Variants in GTF2E1 observed in about 807,000 individuals in gnomAD.
The protein encoded by GTF2E1 is TFIIE alpha subunit.
Under a neutral mutation model 34.9 loss-of-function variants are expected in GTF2E1, and 14 were observed. That is an observed-to-expected ratio of 0.40 (90% confidence interval 0.27 to 0.63). The LOEUF (loss-of-function observed/expected upper bound fraction) is 0.63, where lower values mean the gene tolerates loss of function less well. Ranked by LOEUF, GTF2E1 falls within the 20% of genes least tolerant of loss-of-function variation. GTF2E1 has a pLI of 0.39. For synonymous variants in GTF2E1, 188 were observed against 192.9 expected (o/e 0.97, Z 0.21); for missense variants, 469 against 557.7 (o/e 0.84, Z 1.60).
intron 2 of GTF2E1, among the ~76,000 whole-genome samples, chr3:120,759,158 T>G (rs933742732): frequency 6.6e-6 from 1 of 152,250 alleles, no homozygotes; most frequent in Non-Finnish European, 1.5e-5. Context: ...TTTGCATTTC[T>G]CTGATGACCA....
chr3:120,772,786 C>T (rs1006498696), intron 3 of GTF2E1, among the ~76,000 whole-genome samples: 2 of 152,122 alleles, frequency 1.3e-5, no homozygotes, highest in African/African-American at 4.8e-5. Context: ...ATTCAGTCAC[C>T]ACCACCACTG....
intron 2 of GTF2E1, among the ~76,000 whole-genome samples, chr3:120,759,786 C>T (rs749557691): frequency 2.6e-4 from 40 of 152,124 alleles, no homozygotes; most frequent in Non-Finnish European, 1.2e-4. Context: ...CTGTTCTGTT[C>T]CATTGGTCTG....
At chr3:120,768,965 A>G (rs2107611144) in intron 2 of GTF2E1, among the ~76,000 whole-genome samples, 1 of 152,246 alleles carries the variant, frequency 6.6e-6, no homozygotes, top group South Asian at 2.1e-4. Flanking sequence ...TCTCTTTCTC[A>G]AGGATTCCTC....
chr3:120,757,050 A>G (rs543479209), intron 2 of GTF2E1, among the ~76,000 whole-genome samples: 1 of 152,172 alleles, frequency 6.6e-6, no homozygotes, highest in East Asian at 1.9e-4. Flanking sequence ...GATGCTTTGG[A>G]TTTTGATACA....
intron 2 of GTF2E1, among the ~76,000 whole-genome samples, chr3:120,757,268 A>G (rs376007948): frequency 1.6e-4 from 24 of 152,234 alleles, no homozygotes; most frequent in African/African-American, 4.6e-4. Context: ...TTGAGGAATG[A>G]TGCATGATTA....
At chr3:120,777,592 A>C (rs1243656993) in intron 4 of GTF2E1, among the ~76,000 whole-genome samples, 3 of 152,202 alleles carry the variant, frequency 2.0e-5, no homozygotes, top group Non-Finnish European at 4.4e-5. Context: ...GAAATTGTGA[A>C]GGTAACGTGG....
At chr3:120,761,994 G>A (rs997242140) in intron 2 of GTF2E1, among the ~76,000 whole-genome samples, 2 of 152,072 alleles carry the variant, frequency 1.3e-5, no homozygotes, top group Admixed American at 6.5e-5. Context: ...ATTTCACCGT[G>A]TTAGCCAGGA....
intron 3 of GTF2E1, among the ~76,000 whole-genome samples, chr3:120,774,762 A>G (rs933960466): frequency 1.2e-4 from 18 of 152,158 alleles, no homozygotes; most frequent in African/African-American, 4.3e-4. Flanking sequence ...AGTGATTGAG[A>G]CATGGAACAG....
intron 2 of GTF2E1, among the ~76,000 whole-genome samples, chr3:120,761,980 C>T (rs531157782): frequency 3.3e-5 from 5 of 151,832 alleles, no homozygotes; most frequent in Non-Finnish European, 5.9e-5. Flanking sequence ...TTAGTAGAGA[C>T]GGGATTTCAC....
rs1293087373 is a variant in GTF2E1 at position 120,781,590 on chromosome 3, G to C, written c.*120G>C. 4.0e-6 allele frequency: 3 copies of C among 750,000 alleles called. No homozygotes were observed. In the East Asian group the frequency reaches 8.1e-5, roughly 20 times the overall value. The allele number at this position is 750,000 out of a possible 1,614,324, so 46.5% of individuals were successfully genotyped here. ...TTGATGTAAGCAACTGTCCATCCTT[G>C]TGCAAAGATTGATGGTAGAGAGTTT... On this transcript the variant is annotated 3_prime_UTR_variant, in exon 5 of 5. Coordinates refer to ENST00000283875, the MANE Select transcript of GTF2E1 (RefSeq NM_005513.3).
At chr3:120,766,092 A>G (rs1425810381) in intron 2 of GTF2E1, among the ~76,000 whole-genome samples, 1 of 152,168 alleles carries the variant, frequency 6.6e-6, no homozygotes, top group South Asian at 2.1e-4. Context: ...GTTACAAGAA[A>G]AGTTGGGATG....
rs923536994 is a variant in GTF2E1, at chr3:120,750,726, A to G, written c.174A>G (p.Gln58=). The change falls in exon 2 of 5, where the codon CAA becomes CAG. Residue 58 remains glutamine (Q), a synonymous_variant. Transcript: ENST00000283875. The stretch of plus-strand genomic sequence containing the variant: ...AGCTGCTCAAGTTTGATCGGAAGCA[A>G]CTTCGATCAGTTTTGAATAATTTAA... ...MLELLKFDRK[Q]LRSVLNNLKG... 3 of 1,613,904 alleles carry G rather than the reference A, an allele frequency of 1.9e-6. No homozygotes were observed. The African/African-American group carries it at 4.0e-5, about 22-fold the overall frequency.
chr3:120,746,823 T>C (rs1408553583), intron 1 of GTF2E1, among the ~76,000 whole-genome samples: 2 of 152,178 alleles, frequency 1.3e-5, no homozygotes, highest in Non-Finnish European at 2.9e-5. Flanking sequence ...AAATTCCCTG[T>C]GGCCTAGGGA....
intron 4 of GTF2E1, 131 bp from the exon 5 acceptor site, chr3:120,780,912 C>A (rs1370481029): frequency 2.5e-5 from 16 of 634,790 alleles, no homozygotes; most frequent in Non-Finnish European, 2.9e-5. Context: ...TGGATAGCAG[C>A]TCAAAAATGG....
At chr3:120,779,820 A>G (rs1317256760) in intron 4 of GTF2E1, among the ~76,000 whole-genome samples, 1 of 152,218 alleles carries the variant, frequency 6.6e-6, no homozygotes, top group South Asian at 2.1e-4. Flanking sequence ...GGAGAGATGA[A>G]ATAACTTGGC....
intron 4 of GTF2E1, among the ~76,000 whole-genome samples, chr3:120,780,720 T>C (rs765522766): frequency 2.0e-4 from 31 of 152,242 alleles, no homozygotes; most frequent in Non-Finnish European, 3.7e-4. Context: ...AGAAAGTAGA[T>C]GCTTTTATCA....
intron 2 of GTF2E1, among the ~76,000 whole-genome samples, chr3:120,765,215 C>T (rs557496641): frequency 5.3e-5 from 8 of 152,038 alleles, no homozygotes; most frequent in African/African-American, 1.9e-4. Flanking sequence ...TAGAAGAATC[C>T]TGAGTTATAA....
At chr3:120,771,284 A>G (rs1400309272) in intron 3 of GTF2E1, among the ~76,000 whole-genome samples, 1 of 152,142 alleles carries the variant, frequency 6.6e-6, no homozygotes, top group East Asian at 1.9e-4. Flanking sequence ...TGAAGGCTGA[A>G]GGCCTTTAAG....
intron 1 of GTF2E1, among the ~76,000 whole-genome samples, chr3:120,744,345 C>G (rs1286825621): frequency 1.3e-5 from 2 of 152,104 alleles, no homozygotes; most frequent in Admixed American, 1.3e-4. Flanking sequence ...AGGTAGTGGT[C>G]AGGAAGGAGG....
Sources: allele counts gnomAD v4.1 joint callset (sites outside exome capture counted in the v4.1 genomes callset), GRCh38; gene constraint gnomAD v4.1.1; transcripts MANE v1.5; gene names NCBI Gene and HGNC (gene_info 2026-07-23, HGNC 2026-07-21).